SYNE1: variants seen among roughly 807,000 people sequenced by gnomAD.
The protein encoded by SYNE1 is spectrin repeat containing nuclear envelope protein 1, also known as nesprin-1.
In SYNE1, 616 loss-of-function variants were observed where a neutral mutation model predicts 1,111.0. The observed-to-expected ratio is 0.55, with a 90% CI of 0.52 to 0.59. SYNE1 has a LOEUF of 0.59. SYNE1 is among the 20% of genes least tolerant of loss of function. SYNE1 has a pLI of 0.00. For missense variants in SYNE1, 10,006 were observed against 10,417.0 expected (o/e 0.96, Z 1.72); for synonymous variants, 3,855 against 3,825.8 (o/e 1.01, Z -0.28).
intron 32 of SYNE1, 46 bp downstream of exon 32, chr6:152,441,084 T>C: frequency 6.2e-7 from 1 of 1,609,360 alleles, no homozygotes; most frequent in Non-Finnish European, 8.5e-7. Context: ...TTGTTTGTTT[T>C]GCTTTGTTTT....
chr6:152,561,354 T>G (rs1564858069), intron 3 of SYNE1, among the ~76,000 whole-genome samples: 1 of 152,078 alleles, frequency 6.6e-6, no homozygotes, highest in East Asian at 1.9e-4. Context: ...AATAAAATAC[T>G]TAGGAGTAAA....
intron 30 of SYNE1, among the ~76,000 whole-genome samples, chr6:152,442,905 C>T (rs1271552520): frequency 1.3e-5 from 2 of 152,122 alleles, no homozygotes; most frequent in East Asian, 1.9e-4. Context: ...ATGATTGTGC[C>T]ACTACACTCC....
chr6:152,187,275 G>C (rs2070448950), intron 128 of SYNE1, among the ~76,000 whole-genome samples: 1 of 152,050 alleles, frequency 6.6e-6, no homozygotes, highest in South Asian at 2.1e-4. Context: ...GAAAAACATG[G>C]GTTTTCACCT....
intron 133 of SYNE1, among the ~76,000 whole-genome samples, chr6:152,153,820 C>T (rs1381917059): frequency 6.6e-6 from 1 of 152,152 alleles, no homozygotes; most frequent in Non-Finnish European, 1.5e-5. Flanking sequence ...AGTAATTCAT[C>T]CATTTCAAAG....
In SYNE1 at chr6:152,213,617, G is replaced by A; in HGVS notation, c.22489C>T (p.His7497Tyr). 1.2e-6 allele frequency: 2 copies of A among 1,613,996 alleles called. No individual in the cohort carries two copies. Among genetic ancestry groups the A allele is most frequent in the Non-Finnish European group, 1.7e-6 (2 of 1,179,952 alleles). ...AATCTACTGATACAACTTACCTCGT[G>A]TGCTCTCTGCTGTTCCAAAAGGTGC... ...YQHLLEQQRA[H>Y]ELFQAEMFSR... Residue 7497 changes from histidine to tyrosine, a missense_variant, in exon 123 of 146, where the codon CAC becomes TAC. Physicochemically the swap from His to Tyr is moderately conservative, Grantham distance 83. Coordinates refer to ENST00000367255, the MANE Select transcript of SYNE1 (RefSeq NM_182961.4).
intron 93 of SYNE1, among the ~76,000 whole-genome samples, chr6:152,294,787 T>C (rs1191209340): frequency 6.6e-6 from 1 of 152,156 alleles, no homozygotes; most frequent in Non-Finnish European, 1.5e-5. Context: ...TATTATAACA[T>C]TACATATTTT....
intron 130 of SYNE1, chr6:152,167,902 T>G (rs997389): frequency 0.3 from 224,683 of 753,100 alleles, 36,652 homozygotes; most frequent in Admixed American, 0.36. Flanking sequence ...ATTAACCTTT[T>G]TGTCCAGCTC....
chr6:152,162,294 C>T (rs574481355), intron 131 of SYNE1, among the ~76,000 whole-genome samples: 115 of 152,264 alleles, frequency 7.6e-4, no homozygotes, highest in African/African-American at 2.8e-3. Context: ...CTGATCTATC[C>T]ACTTTCTATC....
rs1018460394 is a variant in SYNE1, at chr6:152,136,874, C to T, written c.25459-56G>A. On this transcript the variant is annotated intron_variant, in intron 140 of 145. Transcript: ENST00000367255. ...GGACAATAATGACAAAGATATTTTC[C>T]CTTGAAAATGTTTCACATGAATGAA... is the stretch of plus-strand genomic sequence containing the variant. 14 of 1,582,524 alleles carry T rather than the reference C, an allele frequency of 8.8e-6. No individual in the cohort carries two copies. In the East Asian group the frequency reaches 3.1e-4, roughly 35 times the overall value.
intron 125 of SYNE1, among the ~76,000 whole-genome samples, chr6:152,207,149 T>C (rs2076664091): frequency 6.6e-6 from 1 of 151,976 alleles, no homozygotes; most frequent in African/African-American, 2.4e-5. Context: ...AAGGGGATGA[T>C]AGACAAGGAG....
Position 152,329,988 on chromosome 6 carries a change from C to A in SYNE1, c.14697G>T (p.Trp4899Cys). 1 of 1,614,220 alleles carries A rather than the reference C, an allele frequency of 6.2e-7. No homozygotes were observed. Among genetic ancestry groups the A allele is most frequent in the Non-Finnish European group, 8.5e-7 (1 of 1,180,048 alleles). Residue 4899 changes from tryptophan to cysteine, a missense_variant, in exon 78 of 146, where the codon TGG (tryptophan) becomes TGT (cysteine). Coordinates refer to ENST00000367255, the MANE Select transcript of SYNE1 (RefSeq NM_182961.4). ...FQTEMSRSLD[W>C]LRRVKAELSG... Reference sequence around the variant, plus strand: ...TGAGCTCTGCCTTCACTCTCCTCAGCCAGTCCAGGGAGCGACTCATCTCAG... The same window carrying A: ...TGAGCTCTGCCTTCACTCTCCTCAGACAGTCCAGGGAGCGACTCATCTCAG...
intron 3 of SYNE1, among the ~76,000 whole-genome samples, chr6:152,627,411 G>C (rs2099687833): frequency 6.6e-6 from 1 of 152,022 alleles, no homozygotes. Flanking sequence ...CCAGGACTTT[G>C]GGAGGCCAAG....
chr6:152,456,748 GGC>G (rs2098699036), intron 22 of SYNE1: 1 of 449,340 alleles, frequency 2.2e-6, no homozygotes, highest in Non-Finnish European at 4.5e-6. Context: ...CCCAGCACAA[GGC>G]AGAGGGTCAT....
Position 152,416,592 on chromosome 6 carries a change from T to G in SYNE1, c.5845A>C (p.Arg1949=), listed in dbSNP as rs1380889963. 6.2e-7 allele frequency: 1 copy of G among 1,614,066 alleles called. No individual in the cohort carries two copies. Among genetic ancestry groups the G allele is most frequent in the Non-Finnish European group, 8.5e-7 (1 of 1,180,038 alleles). ...IGSSEQRTSC[R]ATADQLCGEV... is the part of the protein sequence containing the mutation. ...CCACAGAGCTGATCAGCCGTGGCTC[T>G]GCAGGAAGTCCTTTGCTCAGAGCTC... The change falls in exon 41 of 146, where the codon AGA becomes CGA. Residue 1949 remains arginine, a synonymous_variant. Transcript: ENST00000367255.
chr6:152,489,455 G>GTTTTTT (rs773875805), intron 11 of SYNE1, among the ~76,000 whole-genome samples: 1 of 90,866 alleles, frequency 1.1e-5, no homozygotes, highest in Non-Finnish European at 2.1e-5. Context: ...AGCTTGGTGT[G>GTTTTTT]TCTTTTTTTT....
At chr6:152,253,095 G>A (rs2089791476) in intron 104 of SYNE1, among the ~76,000 whole-genome samples, 1 of 152,158 alleles carries the variant, frequency 6.6e-6, no homozygotes, top group African/African-American at 2.4e-5. Flanking sequence ...CACTGACTCA[G>A]GGACAAGACT....
rs185940486 is a variant in SYNE1, at chr6:152,159,346, C to T, written c.23791-3249G>A. ...GCTCTAAGGGTTCAAATAGTTATGG[C>T]TTTGTCCCAGATCACATGGGAATGT... is the stretch of plus-strand genomic sequence containing the variant. On this transcript the variant is annotated intron_variant, in intron 131 of 145. Transcript: ENST00000367255. 1.1e-4 allele frequency among the ~76,000 whole-genome samples: 17 copies of T among 152,250 alleles called. 1 individual carries two copies. The East Asian group carries it at 3.1e-3, about 28-fold the overall frequency.
intron 11 of SYNE1, among the ~76,000 whole-genome samples, chr6:152,492,671 C>T (rs1463101336): frequency 2.0e-5 from 3 of 152,240 alleles, no homozygotes; most frequent in African/African-American, 7.2e-5. Context: ...ATCTTCTCAG[C>T]TTAGCGGCTG....
chr6:152,523,027 T>A (rs1179335047), intron 5 of SYNE1, among the ~76,000 whole-genome samples: 2 of 152,156 alleles, frequency 1.3e-5, no homozygotes, highest in African/African-American at 4.8e-5. Flanking sequence ...GATGATAATT[T>A]CTTTTGCTTG....
Sources: allele counts gnomAD v4.1 joint callset (sites outside exome capture counted in the v4.1 genomes callset), GRCh38; gene constraint gnomAD v4.1.1; transcripts MANE v1.5; gene names NCBI Gene and HGNC (gene_info 2026-07-23, HGNC 2026-07-21).